Variants in KITLG observed in about 807,000 individuals in gnomAD.
The protein encoded by KITLG is c-Kit ligand.
A neutral mutation model predicts 34.1 loss-of-function variants in KITLG; 13 were observed. The ratio of observed to expected loss-of-function variants is 0.38; its 90% CI spans 0.25 to 0.61. The LOEUF is 0.61. Among genes scored for constraint, KITLG ranks in the 20% least tolerant of loss-of-function variants. The pLI is 0.60. For synonymous variants in KITLG, 110 were observed against 104.0 expected, an observed-to-expected ratio of 1.06 and a Z score of -0.35; for missense variants, 292 against 318.9, an observed-to-expected ratio of 0.92 and a Z score of 0.64.
intron 1 of KITLG, among the ~76,000 whole-genome samples, chr12:88,564,783 A>AT (rs1239538599): frequency 1.3e-5 from 2 of 152,094 alleles, no homozygotes; most frequent in Non-Finnish European, 2.9e-5. Flanking sequence ...AGTTTGTATC[A>AT]TTTTAAACAC....
intron 1 of KITLG, among the ~76,000 whole-genome samples, chr12:88,570,721 C>A (rs1399126118): frequency 1.3e-5 from 2 of 152,062 alleles, no homozygotes; most frequent in East Asian, 3.9e-4. Flanking sequence ...TTTTCTTAAT[C>A]TCTCTGAACT....
chr12:88,543,743 G>A (rs781139056), intron 2 of KITLG, among the ~76,000 whole-genome samples: 11 of 152,098 alleles, frequency 7.2e-5, no homozygotes, highest in Non-Finnish European at 1.6e-4. Context: ...AACTGACTTA[G>A]ACCATTGGGT....
intron 1 of KITLG, among the ~76,000 whole-genome samples, chr12:88,568,492 C>G (rs761013766): frequency 2.6e-5 from 4 of 151,938 alleles, no homozygotes; most frequent in Admixed American, 6.6e-5. Context: ...GTTCTTCCAA[C>G]TATGTACTAT....
chr12:88,517,526 T>A (rs1006204560), intron 4 of KITLG, among the ~76,000 whole-genome samples: 6 of 152,078 alleles, frequency 3.9e-5, no homozygotes, highest in African/African-American at 1.4e-4. Context: ...GCAGTGTTCT[T>A]CCCAACATCA....
At position 88,495,088 on chromosome 12, in the gene KITLG, A is replaced by G. The variant is rs1592832582; in HGVS notation, c.*2131T>C. ...CACATCTCCCCTCTCCTACCATGTC[A>G]GATTTAATAACTTGCTGAATTTGTT... On this transcript the variant is annotated 3_prime_UTR_variant, in exon 10 of 10. Coordinates refer to ENST00000644744, the MANE Select transcript of KITLG (RefSeq NM_000899.5). The G allele has an allele frequency of 6.6e-6, 1 of 152,114 alleles. No homozygotes were observed. The highest frequency in any genetic ancestry group is 1.9e-4 in the East Asian group (1 of 5,180). The allele number at this position is 152,114 out of a possible 1,614,324, so 9.4% of individuals were successfully genotyped here.
chr12:88,500,918 C>T (rs976779636), intron 9 of KITLG, among the ~76,000 whole-genome samples: 1 of 151,954 alleles, frequency 6.6e-6, no homozygotes, highest in African/African-American at 2.4e-5. Flanking sequence ...TAGCTGAGAC[C>T]ATAGGTGCAT....
At chr12:88,570,811 A>T (rs1871625065) in intron 1 of KITLG, among the ~76,000 whole-genome samples, 1 of 152,238 alleles carries the variant, frequency 6.6e-6, no homozygotes, top group South Asian at 2.1e-4. Context: ...CTACAATCGA[A>T]TGAGATACAC....
chr12:88,567,343 T>C (rs1592588092), intron 1 of KITLG, among the ~76,000 whole-genome samples: 1 of 152,192 alleles, frequency 6.6e-6, no homozygotes, highest in East Asian at 1.9e-4. Context: ...ACAAACTTTG[T>C]ATTACAAAAG....
chr12:88,552,012 T>C (rs928532846), intron 1 of KITLG, among the ~76,000 whole-genome samples: 4 of 151,672 alleles, frequency 2.6e-5, no homozygotes, highest in African/African-American at 7.3e-5. Flanking sequence ...GCATTGAAAA[T>C]AGAGAGAAGG....
chr12:88,529,668 T>A (rs1870006869), intron 3 of KITLG, among the ~76,000 whole-genome samples: 1 of 152,192 alleles, frequency 6.6e-6, no homozygotes, highest in South Asian at 2.1e-4. Flanking sequence ...TGGCACCCAT[T>A]CCCACTCCAC....
chr12:88,527,634 C>T (rs1488216156), intron 3 of KITLG, among the ~76,000 whole-genome samples: 1 of 152,138 alleles, frequency 6.6e-6, no homozygotes, highest in Admixed American at 6.5e-5. Flanking sequence ...AGAAGGATTG[C>T]TTATATGGCC....
At chr12:88,509,219 G>C (rs549575125) in intron 6 of KITLG, among the ~76,000 whole-genome samples, 1 of 152,144 alleles carries the variant, frequency 6.6e-6, no homozygotes, top group African/African-American at 2.4e-5. Context: ...CATTATCTAC[G>C]TTGGGTCAGC....
At chr12:88,502,892 A>G in intron 9 of KITLG, among the ~76,000 whole-genome samples, 1 of 90,916 alleles carries the variant, frequency 1.1e-5, no homozygotes. Context: ...GGCTGTCAAG[A>G]AGAAGAAAAG....
chr12:88,499,830 A>G (rs1396432478), intron 9 of KITLG, among the ~76,000 whole-genome samples: 3 of 152,120 alleles, frequency 2.0e-5, no homozygotes, highest in Admixed American at 2.0e-4. Context: ...CCTGGCCCTG[A>G]TGCTAATTCA....
chr12:88,505,347 T>C (rs1322924042), intron 8 of KITLG, 112 bp from the exon 9 acceptor site: 2 of 776,734 alleles, frequency 2.6e-6, no homozygotes, highest in Non-Finnish European at 4.5e-6. Flanking sequence ...TAGCAGAAGA[T>C]TGCAAAATTG....
At chr12:88,558,965 C>A (rs2120947228) in intron 1 of KITLG, among the ~76,000 whole-genome samples, 1 of 152,226 alleles carries the variant, frequency 6.6e-6, no homozygotes, top group African/African-American at 2.4e-5. Flanking sequence ...AAATTGGGTA[C>A]AGTGTATACT....
At chr12:88,550,409 G>C (rs563056571) in intron 1 of KITLG, among the ~76,000 whole-genome samples, 1 of 114,944 alleles carries the variant, frequency 8.7e-6, no homozygotes, top group East Asian at 2.6e-4. Context: ...TTCTCAAGTA[G>C]GAAGTGTGGC....
chr12:88,536,438 G>C (rs899238743), intron 2 of KITLG, among the ~76,000 whole-genome samples: 2 of 152,106 alleles, frequency 1.3e-5, no homozygotes, highest in Non-Finnish European at 2.9e-5. Flanking sequence ...GATTCCTCAA[G>C]GATCTAGAAC....
intron 3 of KITLG, among the ~76,000 whole-genome samples, chr12:88,523,963 C>T (rs1026489634): frequency 1.3e-5 from 2 of 152,174 alleles, no homozygotes; most frequent in African/African-American, 4.8e-5. Flanking sequence ...CAGGGCAGAC[C>T]TATAAATGGC....
Sources: gnomAD v4.1 joint callset for allele counts (sites outside exome capture counted in the v4.1 genomes callset) on GRCh38, gnomAD v4.1.1 for gene constraint, MANE v1.5 for transcripts, NCBI Gene and HGNC (gene_info 2026-07-23, HGNC 2026-07-21) for gene names.